Variants in TMEM161B observed in about 807,000 individuals in gnomAD.
The protein encoded by TMEM161B is transmembrane protein 161B.
TMEM161B carries 34 observed loss-of-function variants against 61.8 expected under a neutral mutation model. The ratio of observed to expected loss-of-function variants is 0.55; its 90% confidence interval spans 0.42 to 0.73. TMEM161B has a LOEUF of 0.73. Ranked by LOEUF, TMEM161B falls within the 30% of genes least tolerant of loss-of-function variation. The probability of loss-of-function intolerance (pLI) is 0.00; values close to 1 mark genes in which losing one functional copy is unlikely to be tolerated. For synonymous variants in TMEM161B, 167 were observed against 192.8 expected (o/e 0.87, Z 1.11); for missense variants, 456 against 558.5 (o/e 0.82, Z 1.85).
chr5:88,217,069 T>A (rs1277588042), intron 5 of TMEM161B, among the ~76,000 whole-genome samples: 1 of 152,134 alleles, frequency 6.6e-6, no homozygotes, highest in African/African-American at 2.4e-5. Flanking sequence ...TAAAATAAGA[T>A]TAAAAGTCTG....
At chr5:88,225,972 G>A in intron 3 of TMEM161B, 106 bp from the exon 4 acceptor site, 2 of 680,678 alleles carry the variant, frequency 2.9e-6, no homozygotes, top group South Asian at 2.4e-5. Flanking sequence ...ACAGTGAAAA[G>A]GCAGAATTTC....
At chr5:88,267,698 T>C (rs1409073879) in intron 1 of TMEM161B, among the ~76,000 whole-genome samples, 3 of 152,166 alleles carry the variant, frequency 2.0e-5, no homozygotes, top group East Asian at 1.9e-4. Flanking sequence ...CAAAGAATCA[T>C]CTTTCCTGTA....
chr5:88,268,342 C>G (rs899190637), intron 1 of TMEM161B, among the ~76,000 whole-genome samples: 3 of 152,172 alleles, frequency 2.0e-5, no homozygotes, highest in African/African-American at 4.8e-5. Context: ...TTTCTAAGAT[C>G]TGAAGTTCTT....
At chr5:88,264,765 G>T (rs1756138902) in intron 1 of TMEM161B, among the ~76,000 whole-genome samples, 1 of 152,156 alleles carries the variant, frequency 6.6e-6, no homozygotes, top group African/African-American at 2.4e-5. Context: ...CCATAAAAAA[G>T]AATGAGTTCA....
At chr5:88,190,023 A>G in exon 13 of TMEM161B, 1 of 700,192 alleles carries the variant, frequency 1.4e-6, no homozygotes, top group Non-Finnish European at 2.6e-6. Flanking sequence ...GCCGATCCGT[A>G]AGGGCAGTCC....
rs991192433 is a variant in TMEM161B at position 88,195,339 on chromosome 5, T to C, written c.*872A>G. 11 of 777,928 alleles carry C rather than the reference T, an allele frequency of 1.4e-5. No homozygotes were observed. Among genetic ancestry groups the C allele is most frequent in the Non-Finnish European group, 1.6e-5 (10 of 642,844 alleles). The allele number at this position is 777,928 out of a possible 1,614,324, so 48.2% of individuals were successfully genotyped here. ...ATTATAAGGATTCAATATTTTCATC[T>C]TTTATAATCTCAATATATTATATAT... On this transcript the variant is annotated 3_prime_UTR_variant, in exon 12 of 12. Transcript: ENST00000296595.
At chr5:88,191,990 A>G (rs1402161175), downstream of TMEM161B, among the ~76,000 whole-genome samples, 9 of 20,506 alleles carry the variant, frequency 4.4e-4, no homozygotes, top group Non-Finnish European at 5.6e-4. Flanking sequence ...GTGTATATAT[A>G]TATATATATA....
chr5:88,250,354 A>G (rs1487095945), intron 1 of TMEM161B, among the ~76,000 whole-genome samples: 1 of 152,142 alleles, frequency 6.6e-6, no homozygotes, highest in Non-Finnish European at 1.5e-5. Context: ...TTACAAAAGA[A>G]AAATCATCCT....
At chr5:88,224,176 C>T (rs765019959) in intron 4 of TMEM161B, among the ~76,000 whole-genome samples, 6 of 152,110 alleles carry the variant, frequency 3.9e-5, no homozygotes, top group Admixed American at 1.3e-4. Flanking sequence ...TTTAAAAACA[C>T]GCATCATTTC....
At chr5:88,202,239 C>T in intron 9 of TMEM161B, 1 of 417,652 alleles carries the variant, frequency 2.4e-6, no homozygotes, top group Non-Finnish European at 4.8e-6. Context: ...ATTACTCTAA[C>T]AGTTCTACAA....
At chr5:88,267,694 A>G (rs1337178054) in intron 1 of TMEM161B, among the ~76,000 whole-genome samples, 1 of 152,166 alleles carries the variant, frequency 6.6e-6, no homozygotes, top group Non-Finnish European at 1.5e-5. Context: ...ACTGCAAAGA[A>G]TCATCTTTCC....
chr5:88,224,965 G>A (rs242879), intron 4 of TMEM161B, among the ~76,000 whole-genome samples: 1 of 131,108 alleles, frequency 7.6e-6, no homozygotes, highest in Non-Finnish European at 1.6e-5. Context: ...ATATGTTTTT[G>A]TTTTTTTTTT....
intron 1 of TMEM161B, chr5:88,250,996 A>T (rs1754272634): frequency 6.6e-6 from 1 of 152,256 alleles, no homozygotes. Flanking sequence ...GAAATGGCTC[A>T]ACTGACTGAG....
intron 1 of TMEM161B, among the ~76,000 whole-genome samples, chr5:88,243,332 C>T (rs551759442): frequency 6.6e-6 from 1 of 151,774 alleles, no homozygotes; most frequent in Admixed American, 6.6e-5. Context: ...TAAATGAAAA[C>T]ATGCGGTATT....
chr5:88,208,469 G>C (rs1490010983), intron 5 of TMEM161B, among the ~76,000 whole-genome samples: 1 of 148,068 alleles, frequency 6.8e-6, no homozygotes, highest in East Asian at 2.0e-4. Context: ...GTGACACAGT[G>C]AGACTCCGTC....
intron 2 of TMEM161B, among the ~76,000 whole-genome samples, chr5:88,238,145 A>T (rs993570103): frequency 6.6e-6 from 1 of 152,114 alleles, no homozygotes; most frequent in Admixed American, 6.6e-5. Context: ...CAGATGCTAT[A>T]TAGCTTTTAT....
At chr5:88,227,112 C>T (rs1750187646) in intron 3 of TMEM161B, among the ~76,000 whole-genome samples, 1 of 152,108 alleles carries the variant, frequency 6.6e-6, no homozygotes, top group Admixed American at 6.6e-5. Context: ...TCATTTGAGC[C>T]TAAGGAGGTT....
chr5:88,206,035 T>A, intron 7 of TMEM161B, 81 bp from the exon 8 acceptor site: 2 of 1,130,538 alleles, frequency 1.8e-6, no homozygotes, highest in Non-Finnish European at 2.5e-6. Context: ...ATCAATTATC[T>A]TACAAATAAC....
chr5:88,230,444 T>C (rs1750803640), intron 2 of TMEM161B, among the ~76,000 whole-genome samples: 1 of 152,176 alleles, frequency 6.6e-6, no homozygotes, highest in Admixed American at 6.5e-5. Context: ...CCTTGTATAC[T>C]TGAAAATTCC....
Sources: gnomAD v4.1 joint callset for allele counts (sites outside exome capture counted in the v4.1 genomes callset) on GRCh38, gnomAD v4.1.1 for gene constraint, MANE v1.5 for transcripts, NCBI Gene and HGNC (gene_info 2026-07-23, HGNC 2026-07-21) for gene names.